The following PDE4B variants were observed in gnomAD, a reference collection of about 807,000 sequenced individuals.
PDE4B encodes the protein phosphodiesterase 4B.
PDE4B carries 20 observed loss-of-function variants against 82.2 expected under a neutral mutation model. The observed-to-expected ratio is 0.24, with a 90% CI of 0.17 to 0.35. The LOEUF (loss-of-function observed/expected upper bound fraction) is 0.35, where lower values mean the gene tolerates loss of function less well. PDE4B is among the 10% of genes least tolerant of loss of function. The pLI is 1.00. For synonymous variants in PDE4B, 320 were observed against 318.9 expected (o/e 1.00, Z -0.04); for missense variants, 655 against 907.2 (o/e 0.72, Z 3.57).
At chr1:66,159,405 ATT>A (rs1185555240) in intron 3 of PDE4B, among the ~76,000 whole-genome samples, 6 of 138,636 alleles carry the variant, frequency 4.3e-5, no homozygotes, top group Admixed American at 2.2e-4. Context: ...ACGCCCAGCT[ATT>A]TTTTTTTTTT....
At chr1:65,987,382 A>G (rs1271255276) in intron 3 of PDE4B, among the ~76,000 whole-genome samples, 3 of 152,216 alleles carry the variant, frequency 2.0e-5, no homozygotes, top group Non-Finnish European at 4.4e-5. Flanking sequence ...CATGCTAGAT[A>G]ACTTCAGACT....
intron 3 of PDE4B, among the ~76,000 whole-genome samples, chr1:66,082,223 T>A (rs903954286): frequency 1.3e-5 from 2 of 152,070 alleles, no homozygotes; most frequent in African/African-American, 2.4e-5. Flanking sequence ...TTATGCTTAT[T>A]TTGCTTTTCA....
At chr1:66,233,591 TG>T (rs1652165234) in intron 3 of PDE4B, among the ~76,000 whole-genome samples, 2 of 152,212 alleles carry the variant, frequency 1.3e-5, no homozygotes, top group African/African-American at 4.8e-5. Flanking sequence ...CATTCGTACC[TG>T]GTTCCTAATT....
chr1:66,238,379 T>C (rs1557653134), intron 3 of PDE4B, among the ~76,000 whole-genome samples: 1 of 151,994 alleles, frequency 6.6e-6, no homozygotes, highest in Non-Finnish European at 1.5e-5. Context: ...TATGTGAAAA[T>C]TTGTGATCCA....
intron 7 of PDE4B, among the ~76,000 whole-genome samples, chr1:66,274,690 A>G (rs1655749288): frequency 1.3e-5 from 2 of 152,268 alleles, no homozygotes; most frequent in East Asian, 1.9e-4. Flanking sequence ...TTTTGGTTGT[A>G]AGGATTAAAT....
intron 1 of PDE4B, among the ~76,000 whole-genome samples, chr1:65,859,961 A>C (rs1388746634): frequency 6.6e-6 from 1 of 152,142 alleles, no homozygotes; most frequent in African/African-American, 2.4e-5. Context: ...AAAACCACTG[A>C]TCTATGTTCT....
At chr1:66,116,537 C>T (rs1254541736) in intron 3 of PDE4B, among the ~76,000 whole-genome samples, 2 of 152,112 alleles carry the variant, frequency 1.3e-5, no homozygotes, top group African/African-American at 4.8e-5. Flanking sequence ...CTGAGGGTGT[C>T]AACATCCGGA....
intron 1 of PDE4B, among the ~76,000 whole-genome samples, chr1:65,808,180 T>TC (rs1645778344): frequency 6.6e-6 from 1 of 151,344 alleles, no homozygotes; most frequent in African/African-American, 2.4e-5. Flanking sequence ...TTTTTTTTTT[T>TC]TTTTTTTTTG....
At chr1:66,191,865 C>A (rs540352192) in intron 3 of PDE4B, among the ~76,000 whole-genome samples, 5 of 152,114 alleles carry the variant, frequency 3.3e-5, no homozygotes, top group African/African-American at 4.8e-5. Flanking sequence ...AAAGGGAAAA[C>A]CCTTATAAAA....
intron 3 of PDE4B, among the ~76,000 whole-genome samples, chr1:66,189,860 T>C (rs1438447957): frequency 6.6e-6 from 1 of 152,254 alleles, no homozygotes; most frequent in Non-Finnish European, 1.5e-5. Context: ...CATCCAGCTT[T>C]GTTCCATTGC....
At chr1:65,926,445 T>A (rs1428809383) in intron 3 of PDE4B, among the ~76,000 whole-genome samples, 1 of 152,182 alleles carries the variant, frequency 6.6e-6, no homozygotes, top group Non-Finnish European at 1.5e-5. Flanking sequence ...AAGCTTCTGA[T>A]GATAATTCTT....
intron 3 of PDE4B, among the ~76,000 whole-genome samples, chr1:66,138,666 C>T (rs1646109614): frequency 1.3e-5 from 2 of 152,156 alleles, no homozygotes; most frequent in Admixed American, 1.3e-4. Flanking sequence ...TAATACAACA[C>T]TAATGGCTAA....
intron 7 of PDE4B, among the ~76,000 whole-genome samples, chr1:66,301,961 T>C (rs901935345): frequency 7.9e-5 from 12 of 152,172 alleles, no homozygotes; most frequent in Non-Finnish European, 1.6e-4. Context: ...AGCCAACTTA[T>C]TGACTTTGTT....
intron 7 of PDE4B, among the ~76,000 whole-genome samples, chr1:66,331,240 T>C (rs1660084561): frequency 6.6e-6 from 1 of 152,260 alleles, no homozygotes; most frequent in African/African-American, 2.4e-5. Flanking sequence ...AGGAATGTTA[T>C]ATTAGAACTC....
chr1:66,268,042 C>T (rs1655181663), intron 7 of PDE4B, among the ~76,000 whole-genome samples: 1 of 152,124 alleles, frequency 6.6e-6, no homozygotes, highest in South Asian at 2.1e-4. Flanking sequence ...TTTTATTTCT[C>T]AGTACTGAAG....
At position 66,215,028 on chromosome 1, in the gene PDE4B, AGAAATAG is replaced by A. The variant is rs67682835; in HGVS notation, c.282-32430_282-32424del. ...GATGAGAGAAAAAAGTCTAGACTCT[AGAAATAG>A]GCAGTAGAAACTTGCTATGACAGGT... On this transcript the variant is annotated intron_variant, in intron 3 of 16. Transcript: ENST00000341517. 0.013 allele frequency among the ~76,000 whole-genome samples: 1,941 copies of A among 152,258 alleles called. 90 individuals are homozygous for A. In the East Asian group the frequency reaches 0.15, roughly 12 times the overall value.
intron 7 of PDE4B, among the ~76,000 whole-genome samples, chr1:66,326,085 GT>G (rs1445656347): frequency 6.6e-6 from 1 of 152,110 alleles, no homozygotes; most frequent in Non-Finnish European, 1.5e-5. Flanking sequence ...ATTTGTCGTT[GT>G]TTTTTAGCTA....
chr1:66,266,672 G>T, intron 7 of PDE4B: 1 of 526,664 alleles, frequency 1.9e-6, no homozygotes, highest in Non-Finnish European at 3.9e-6. Flanking sequence ...CATCTTTCAG[G>T]ACAGTGCATC....
intron 4 of PDE4B, among the ~76,000 whole-genome samples, chr1:66,249,209 C>A (rs1442753716): frequency 6.6e-6 from 1 of 152,178 alleles, no homozygotes; most frequent in African/African-American, 2.4e-5. Flanking sequence ...TCTTTGAATG[C>A]AAAGATATTG....
Sources: allele counts gnomAD v4.1 joint callset (sites outside exome capture counted in the v4.1 genomes callset), GRCh38; gene constraint gnomAD v4.1.1; transcripts MANE v1.5; gene names NCBI Gene and HGNC (gene_info 2026-07-23, HGNC 2026-07-21).